Variants in TRPM3 observed in about 807,000 individuals in gnomAD.
The protein encoded by TRPM3 is long transient receptor potential channel 3.
A neutral mutation model predicts 181.2 loss-of-function variants in TRPM3; 77 were observed. The ratio of observed to expected loss-of-function variants is 0.42; its 90% CI spans 0.35 to 0.51. TRPM3 has a LOEUF of 0.51. TRPM3 is among the 20% of genes least tolerant of loss of function. The probability of loss-of-function intolerance (pLI) is 0.01; values close to 1 mark genes in which losing one functional copy is unlikely to be tolerated. For missense variants in TRPM3, 1,759 were observed against 2,196.7 expected, an observed-to-expected ratio of 0.80 and a Z score of 3.98; for synonymous variants, 745 against 796.4, an observed-to-expected ratio of 0.94 and a Z score of 1.09.
intron 1 of TRPM3, among the ~76,000 whole-genome samples, chr9:71,072,688 A>C (rs1411902943): frequency 2.0e-5 from 3 of 152,164 alleles, no homozygotes; most frequent in Non-Finnish European, 2.9e-5. Context: ...AGGCCGAAAG[A>C]GTGAGGGTCG....
At chr9:70,562,711 T>A (rs1158860494) in intron 22 of TRPM3, among the ~76,000 whole-genome samples, 1 of 152,194 alleles carries the variant, frequency 6.6e-6, no homozygotes, top group Non-Finnish European at 1.5e-5. Context: ...CTATCCTATA[T>A]ATCTAGCTTT....
rs1354157221 is a variant in TRPM3, at chr9:70,994,846, G to A, written c.177+126332C>T. ...CTTTGGATGTCAGAAACAAAGAAAT[G>A]GCATACAGTTTATTTATCCCTGCTG... is the stretch of plus-strand genomic sequence containing the variant. On this transcript the variant is annotated intron_variant, in intron 1 of 25. Coordinates refer to ENST00000677713, the MANE Select transcript of TRPM3 (RefSeq NM_001366145.2). Among the ~76,000 whole-genome samples the A allele has an allele frequency of 4.6e-5, 7 of 152,214 alleles. No individual in the cohort carries two copies. In the South Asian group the frequency reaches 1.2e-3, roughly 27 times the overall value.
rs746797316 is a variant in TRPM3, at chr9:70,752,029, TGTGTGTGTGTGTGTGTGTGTGC to T, written c.1272+9550_1272+9571del. On this transcript the variant is annotated intron_variant, in intron 8 of 25. Transcript: ENST00000677713. Reference sequence around the variant, plus strand: ...GTGTGTGTGTGTGTGTGTGTGTGTGTGTGTGTGTGTGTGTGTGTGTGCGCGCGCGCGCGCATACACATGTACA... The same window carrying T: ...GTGTGTGTGTGTGTGTGTGTGTGTGTGCGCGCGCGCGCATACACATGTACA... Among the ~76,000 whole-genome samples, 832 of 116,168 alleles carry T rather than the reference TGTGTGTGTGTGTGTGTGTGTGC, an allele frequency of 7.2e-3. 8 individuals are homozygous for T. The highest frequency in any genetic ancestry group is 0.024 in the African/African-American group (783 of 33,006). The allele number at this position is 116,168 out of a possible 152,430, so 76.2% of individuals were successfully genotyped here. A position where few individuals can be genotyped will look rare whatever the true frequency, so the allele number is the denominator to read the frequency against.
intron 1 of TRPM3, among the ~76,000 whole-genome samples, chr9:70,906,441 T>G (rs536653815): frequency 6.6e-5 from 10 of 152,310 alleles, no homozygotes; most frequent in African/African-American, 2.2e-4. Context: ...GCTGGTGACC[T>G]CCTGCTTGTT....
At chr9:70,619,199 T>A in intron 16 of TRPM3, 104 bp from the exon 17 acceptor site, 1 of 899,202 alleles carries the variant, frequency 1.1e-6, no homozygotes, top group Non-Finnish European at 1.7e-6. Flanking sequence ...CTGGATGATG[T>A]AGGTGTTTCA....
At position 70,895,544 on chromosome 9, in the gene TRPM3, G is replaced by C. The variant is rs187477712; in HGVS notation, c.178-31033C>G. ...TGATAACTCCCATATTTTATGAAAA[G>C]ATAAATGGACTATAGAAAATTCCCA... On this transcript the variant is annotated intron_variant, in intron 1 of 25. Transcript: ENST00000677713. 6.6e-4 allele frequency among the ~76,000 whole-genome samples: 100 copies of C among 152,238 alleles called. 1 individual carries two copies. Among genetic ancestry groups the C allele is most frequent in the Non-Finnish European group, 1.5e-4 (10 of 68,016 alleles).
At chr9:70,761,887 G>A (rs2078219359) in intron 7 of TRPM3, among the ~76,000 whole-genome samples, 163 bp from the exon 8 acceptor site, 1 of 152,112 alleles carries the variant, frequency 6.6e-6, no homozygotes, top group Non-Finnish European at 1.5e-5. Context: ...AATTTAAAAA[G>A]CAAGGCATTT....
At chr9:70,985,462 G>C (rs2097409582) in intron 1 of TRPM3, among the ~76,000 whole-genome samples, 1 of 152,034 alleles carries the variant, frequency 6.6e-6, no homozygotes, top group Non-Finnish European at 1.5e-5. Flanking sequence ...ACCAGCCCTG[G>C]GTATGTATAT....
intron 1 of TRPM3, among the ~76,000 whole-genome samples, chr9:71,097,730 T>C (rs2067569752): frequency 6.6e-6 from 1 of 152,066 alleles, no homozygotes; most frequent in African/African-American, 2.4e-5. Flanking sequence ...AGAGAGATGA[T>C]TATCTCAACA....
chr9:71,176,804 T>C (rs1763506668), intron 1 of TRPM3, among the ~76,000 whole-genome samples: 1 of 152,104 alleles, frequency 6.6e-6, no homozygotes, highest in African/African-American at 2.4e-5. Context: ...TTAAATACAT[T>C]TAGATACACC....
intron 1 of TRPM3, among the ~76,000 whole-genome samples, chr9:71,312,689 C>T (rs756200473): frequency 2.0e-5 from 3 of 152,080 alleles, no homozygotes; most frequent in Non-Finnish European, 4.4e-5. Flanking sequence ...AACTGTGGTA[C>T]ATCTAGATAA....
intron 9 of TRPM3, among the ~76,000 whole-genome samples, chr9:70,655,167 G>A (rs1385294197): frequency 6.6e-6 from 1 of 150,710 alleles, no homozygotes; most frequent in African/African-American, 2.4e-5. Flanking sequence ...TTAGCCAGGT[G>A]TGGTGGCTCG....
intron 1 of TRPM3, among the ~76,000 whole-genome samples, chr9:71,229,085 A>T (rs946594546): frequency 2.0e-5 from 3 of 152,194 alleles, no homozygotes; most frequent in African/African-American, 7.2e-5. Context: ...GAGCTATAGC[A>T]ACCCAGACAG....
At chr9:71,223,153 A>G (rs1483762878) in intron 1 of TRPM3, among the ~76,000 whole-genome samples, 1 of 152,148 alleles carries the variant, frequency 6.6e-6, no homozygotes, top group African/African-American at 2.4e-5. Flanking sequence ...TAGCTCCAAA[A>G]GAGTCCCCTT....
At chr9:70,749,715 AT>A (rs1399701816) in intron 8 of TRPM3, among the ~76,000 whole-genome samples, 1 of 152,236 alleles carries the variant, frequency 6.6e-6, no homozygotes, top group Non-Finnish European at 1.5e-5. Flanking sequence ...TAGTACTAAA[AT>A]GAAGTCATCC....
intron 1 of TRPM3, among the ~76,000 whole-genome samples, chr9:71,390,745 A>G (rs1346485070): frequency 1.3e-5 from 2 of 152,076 alleles, no homozygotes. Context: ...AGTAACAACA[A>G]CAAATGAAAT....
At chr9:71,404,788 C>A (rs7860796) in intron 1 of TRPM3, among the ~76,000 whole-genome samples, 1 of 152,128 alleles carries the variant, frequency 6.6e-6, no homozygotes, top group African/African-American at 2.4e-5. Context: ...AACTTCTATG[C>A]CCTAATTTCT....
At chr9:71,248,970 T>A (rs967758227) in intron 1 of TRPM3, among the ~76,000 whole-genome samples, 1 of 152,216 alleles carries the variant, frequency 6.6e-6, no homozygotes, top group East Asian at 1.9e-4. Flanking sequence ...AAATCTCTAA[T>A]GAGCTTTAAG....
intron 1 of TRPM3, among the ~76,000 whole-genome samples, chr9:71,009,424 A>G (rs981326334): frequency 6.6e-6 from 1 of 152,340 alleles, no homozygotes; most frequent in Middle Eastern, 3.4e-3. Flanking sequence ...CATAAAAATC[A>G]TTAAAATTTC....
Sources: gnomAD v4.1 joint callset for allele counts (sites outside exome capture counted in the v4.1 genomes callset) on GRCh38, gnomAD v4.1.1 for gene constraint, MANE v1.5 for transcripts, NCBI Gene and HGNC (gene_info 2026-07-23, HGNC 2026-07-21) for gene names.